PLCG2: variants seen among roughly 807,000 people sequenced by gnomAD.
PLCG2 encodes phospholipase C gamma 2, also known as 1-phosphatidylinositol 4,5-bisphosphate phosphodiesterase gamma-2.
A neutral mutation model predicts 175.6 loss-of-function variants in PLCG2; 69 were observed. That is an observed-to-expected ratio of 0.39 (90% confidence interval 0.32 to 0.48). The LOEUF is 0.48. Among genes scored for constraint, PLCG2 ranks in the 20% least tolerant of loss-of-function variants. PLCG2 has a pLI of 0.91. For synonymous variants in PLCG2, 827 were observed against 624.0 expected (o/e 1.33, Z -4.85); for missense variants, 1,798 against 1,650.9 (o/e 1.09, Z -1.54).
chr16:81,766,886 C>CAGA (rs1348951137), intron 2 of PLCG2: 1 of 152,242 alleles, frequency 6.6e-6, no homozygotes, highest in Admixed American at 6.5e-5. Context: ...CTACAGCCCA[C>CAGA]AGAAGATCTT....
In PLCG2 at chr16:81,883,349, C is replaced by G; in HGVS notation, c.765+8C>G. 1 of 1,611,976 alleles carries G rather than the reference C, an allele frequency of 6.2e-7. No homozygotes were observed. Among genetic ancestry groups the G allele is most frequent in the Admixed American group, 1.7e-5 (1 of 60,022 alleles). On this transcript the variant is annotated splice_region_variant and intron_variant, in intron 9 of 32. Transcript: ENST00000564138. ...CTCATACATGAACAGCAGGTGAGAG[C>G]ACAAGGTGTGTGGGTGCCTGAGGGA...
At chr16:81,816,181 G>T (rs1431971693) in intron 2 of PLCG2, among the ~76,000 whole-genome samples, 2 of 152,136 alleles carry the variant, frequency 1.3e-5, no homozygotes, top group Admixed American at 6.5e-5. Context: ...GACCAGCCTG[G>T]CCAATATGGT....
Position 81,900,794 on chromosome 16 carries a change from G to A in PLCG2, c.1362+14G>A. The A allele has an allele frequency of 1.3e-6, 2 of 1,590,640 alleles. No individual in the cohort carries two copies. The highest frequency in any genetic ancestry group is 8.6e-7 in the Non-Finnish European group (1 of 1,161,064). ...ATCATCATCAAGGTAGGCACCCCGG[G>A]TGCTGCTGTTGGCTGTCCAGGGAGC... On this transcript the variant is annotated intron_variant, in intron 14 of 32. Coordinates refer to ENST00000564138, the MANE Select transcript of PLCG2 (RefSeq NM_002661.5).
At chr16:81,846,783 A>G (rs1057042184) in intron 2 of PLCG2, among the ~76,000 whole-genome samples, 1 of 152,218 alleles carries the variant, frequency 6.6e-6, no homozygotes, top group African/African-American at 2.4e-5. Flanking sequence ...TTCACATTCA[A>G]TACAGCACGA....
chr16:81,802,989 C>T (rs1271882322), intron 2 of PLCG2, among the ~76,000 whole-genome samples: 1 of 152,124 alleles, frequency 6.6e-6, no homozygotes, highest in African/African-American at 2.4e-5. Flanking sequence ...CCCCCAAATC[C>T]TATACATTAG....
Position 81,804,894 on chromosome 16 carries a change from G to A in PLCG2, c.193+18712G>A, listed in dbSNP as rs1032163316. On this transcript the variant is annotated intron_variant, in intron 2 of 32. Coordinates refer to ENST00000564138, the MANE Select transcript of PLCG2 (RefSeq NM_002661.5). ...AGTATTGAGCATCTGCCATGTGTCAGTATTGTGCTGGGCACTACAAGCTCA... is the reference window on the plus strand; with the variant it reads ...AGTATTGAGCATCTGCCATGTGTCAATATTGTGCTGGGCACTACAAGCTCA... Among the ~76,000 whole-genome samples, 6 of 152,354 alleles carry A rather than the reference G, an allele frequency of 3.9e-5. No individual in the cohort carries two copies. In the South Asian group the frequency reaches 1.0e-3, roughly 26 times the overall value.
chr16:81,950,394 T>C (rs1238618723), intron 31 of PLCG2, among the ~76,000 whole-genome samples: 3 of 152,112 alleles, frequency 2.0e-5, no homozygotes, highest in Admixed American at 6.5e-5. Context: ...CATTAGCAAA[T>C]AGCATAGTAC....
At chr16:81,810,787 G>A (rs1597331733) in intron 2 of PLCG2, among the ~76,000 whole-genome samples, 1 of 152,166 alleles carries the variant, frequency 6.6e-6, no homozygotes, top group African/African-American at 2.4e-5. Flanking sequence ...ACTGTATTGA[G>A]TTCTGATAGA....
chr16:81,811,893 G>C (rs1407053153), intron 2 of PLCG2, among the ~76,000 whole-genome samples: 2 of 152,040 alleles, frequency 1.3e-5, no homozygotes, highest in African/African-American at 4.8e-5. Flanking sequence ...CCAGTAATAG[G>C]ATTGCTGGAT....
Position 81,961,446 on chromosome 16 carries a change from C to G in PLCG2, c.*3448C>G, listed in dbSNP as rs1436321391. The G allele has an allele frequency of 4.4e-6, 1 of 225,672 alleles. No individual in the cohort carries two copies. The highest frequency in any genetic ancestry group is 8.8e-6 in the Non-Finnish European group (1 of 113,554). The allele number at this position is 225,672 out of a possible 1,614,324, so 14.0% of individuals were successfully genotyped here. A position where few individuals can be genotyped will look rare whatever the true frequency, so the allele number is the denominator to read the frequency against. ...TTGGGCTATGTGTTTATTGATTCAG[C>G]TCAATCCAGAGGAAAATTTTAAAGG... On this transcript the variant is annotated 3_prime_UTR_variant, in exon 33 of 33. Coordinates refer to ENST00000564138, the MANE Select transcript of PLCG2 (RefSeq NM_002661.5).
chr16:81,820,788 T>G (rs1245122476), intron 2 of PLCG2, among the ~76,000 whole-genome samples: 1 of 151,488 alleles, frequency 6.6e-6, no homozygotes, highest in Non-Finnish European at 1.5e-5. Context: ...GCCTGGCTAA[T>G]TTTTGTATTT....
At chr16:81,944,631 A>G (rs1205964850) in intron 30 of PLCG2, among the ~76,000 whole-genome samples, 3 of 152,058 alleles carry the variant, frequency 2.0e-5, no homozygotes, top group Admixed American at 2.0e-4. Flanking sequence ...TGCCCAGCTA[A>G]ATTTTTTATT....
chr16:81,844,333 C>T (rs943121520), intron 2 of PLCG2, among the ~76,000 whole-genome samples: 18 of 146,840 alleles, frequency 1.2e-4, no homozygotes, highest in Admixed American at 2.7e-4. Context: ...TTTCTTCTTT[C>T]GGATGGAGTT....
At chr16:81,805,783 G>GTTTTGTTTTTTTTTT (rs1911990530) in intron 2 of PLCG2, among the ~76,000 whole-genome samples, 1 of 82,918 alleles carries the variant, frequency 1.2e-5, no homozygotes, top group African/African-American at 5.5e-5. Context: ...TTTTTTTTTT[G>GTTTTGTTTTTTTTTT]TTTTTTTTTT....
intron 2 of PLCG2, among the ~76,000 whole-genome samples, chr16:81,810,191 A>G (rs141955636): frequency 0.014 from 2,131 of 152,178 alleles, 18 homozygotes; most frequent in Middle Eastern, 0.027. Context: ...GGGTTTCACC[A>G]TCTTGGCCAG....
intron 2 of PLCG2, among the ~76,000 whole-genome samples, chr16:81,796,357 C>T (rs890860559): frequency 6.6e-6 from 1 of 152,212 alleles, no homozygotes; most frequent in African/African-American, 2.4e-5. Flanking sequence ...AGAGAGGCCT[C>T]CTATGGGCCA....
At chr16:81,931,992 TATC>T (rs2143714730) in intron 25 of PLCG2, among the ~76,000 whole-genome samples, 1 of 152,262 alleles carries the variant, frequency 6.6e-6, no homozygotes, top group South Asian at 2.1e-4. Flanking sequence ...TCTTTCTAAG[TATC>T]ATATAAAGCA....
intron 31 of PLCG2, among the ~76,000 whole-genome samples, chr16:81,947,930 A>G (rs528663377): frequency 2.0e-5 from 3 of 152,116 alleles, no homozygotes; most frequent in Non-Finnish European, 4.4e-5. Context: ...TGTATATGAT[A>G]TTTCCATAGT....
intron 20 of PLCG2, among the ~76,000 whole-genome samples, chr16:81,920,270 A>C (rs1910008209): frequency 6.6e-6 from 1 of 152,202 alleles, no homozygotes; most frequent in African/African-American, 2.4e-5. Flanking sequence ...CTTTGTCTCC[A>C]TTCCTACCAC....
Sources: allele counts gnomAD v4.1 joint callset (sites outside exome capture counted in the v4.1 genomes callset), GRCh38; gene constraint gnomAD v4.1.1; transcripts MANE v1.5; gene names NCBI Gene and HGNC (gene_info 2026-07-23, HGNC 2026-07-21).